TRIM60: variants seen among roughly 807,000 people sequenced by gnomAD.
TRIM60 encodes the protein tripartite motif-containing protein 60.
For synonymous variants in TRIM60, 189 were observed against 195.2 expected, an observed-to-expected ratio of 0.97 and a Z score of 0.27; for missense variants, 524 against 540.8, an observed-to-expected ratio of 0.97 and a Z score of 0.31.
At chr4:165,033,911 AC>A (rs561333492) in intron 1 of TRIM60, among the ~76,000 whole-genome samples, 270 of 152,260 alleles carry the variant, frequency 1.8e-3, no homozygotes, top group African/African-American at 6.0e-3. Context: ...TCAGGCCCCA[AC>A]TCTCCCATAG....
In TRIM60 at chr4:165,040,447, C is replaced by T. The variant is rs1223959517; in HGVS notation, c.375C>T (p.His125=). 8 of 1,614,188 alleles carry T rather than the reference C, an allele frequency of 5.0e-6. No individual in the cohort carries two copies. The highest frequency in any genetic ancestry group is 1.3e-5 in the African/African-American group (1 of 75,050). Residue 125 remains histidine (H), a synonymous_variant, in exon 3 of 3, where the codon CAC becomes CAT. Coordinates refer to ENST00000512596, the MANE Select transcript of TRIM60 (RefSeq NM_152620.3). ...LCTQCSFSTK[H]QKHYICPIKK... ...CACAGTGCAGTTTCTCCACTAAACACCAGAAGCACTACATTTGCCCTATTA... is the reference window on the plus strand; with the variant it reads ...CACAGTGCAGTTTCTCCACTAAACATCAGAAGCACTACATTTGCCCTATTA...
chr4:165,034,404 G>A (rs1733572961), intron 1 of TRIM60, among the ~76,000 whole-genome samples: 1 of 152,026 alleles, frequency 6.6e-6, no homozygotes, highest in African/African-American at 2.4e-5. Context: ...CACCCACCTC[G>A]GCCTCCCAAA....
In TRIM60 at chr4:165,041,312, A is replaced by G. The variant is rs1344759553; in HGVS notation, c.1240A>G (p.Lys414Glu). 1 of 1,614,100 alleles carries G rather than the reference A, an allele frequency of 6.2e-7. No individual in the cohort carries two copies. The part of the protein sequence containing the change: ...TQLLPVVKPS[K>E]IGIFLDYELG... Reference sequence around the variant, plus strand: ...GCTTCTGCCAGTAGTAAAACCCAGTAAAATTGGTATTTTTCTGGACTATGA... The same window carrying G: ...GCTTCTGCCAGTAGTAAAACCCAGTGAAATTGGTATTTTTCTGGACTATGA... Residue 414 changes from lysine (K) to glutamate (E), a missense_variant, in exon 3 of 3, where the codon AAA (lysine) becomes GAA (glutamate). Coordinates refer to ENST00000512596, the MANE Select transcript of TRIM60 (RefSeq NM_152620.3).
intron 1 of TRIM60, among the ~76,000 whole-genome samples, chr4:165,033,727 A>G (rs1733557785): frequency 6.6e-6 from 1 of 152,214 alleles, no homozygotes; most frequent in African/African-American, 2.4e-5. Flanking sequence ...GCATGAACAG[A>G]ACTCAACTGT....
Position 165,040,952 on chromosome 4 carries a change from C to G in TRIM60, c.880C>G (p.Gln294Glu). ...CTTGGACAGAATTATCAAGCCATTT[C>G]AAGTAGATGTGATTCTAGATCTCAA... ...SGLDRIIKPF[Q>E]VDVILDLNTA... is the part of the protein sequence containing the mutation. The change falls in exon 3 of 3, where the codon CAA becomes GAA. Residue 294 changes from glutamine (Q) to glutamate (E), a missense_variant. Coordinates refer to ENST00000512596, the MANE Select transcript of TRIM60 (RefSeq NM_152620.3). 6.2e-7 allele frequency: 1 copy of G among 1,613,958 alleles called. No individual in the cohort carries two copies.
rs149718534 is a variant in TRIM60 at position 165,040,145 on chromosome 4, G to C, written c.73G>C (p.Asp25His). ...TCCCATCTGTCTGGAGTACTTGAAA[G>C]ACCCAGTGACCATCAACTGTGGGCA... ...SCPICLEYLKDPVTINCGHNF... is the reference protein window; with the variant it reads ...SCPICLEYLKHPVTINCGHNF... The change falls in exon 3 of 3, where the codon GAC becomes CAC. Residue 25 changes from aspartate (D) to histidine (H), a missense_variant. Transcript: ENST00000512596. 20 of 1,613,940 alleles carry C rather than the reference G, an allele frequency of 1.2e-5. No homozygotes were observed. The highest frequency in any genetic ancestry group is 1.5e-5 in the Non-Finnish European group (18 of 1,180,040).
chr4:165,032,173 G>A (rs1227445182), intron 1 of TRIM60, 61 bp downstream of exon 1: 1 of 152,328 alleles, frequency 6.6e-6, no homozygotes, highest in Non-Finnish European at 1.5e-5. Context: ...TACTTAACTG[G>A]GCAGGGGCTT....
intron 1 of TRIM60, among the ~76,000 whole-genome samples, chr4:165,035,488 A>G (rs1466426222): frequency 3.3e-5 from 5 of 152,232 alleles, no homozygotes; most frequent in Admixed American, 1.3e-4. Context: ...GTGATGTCAC[A>G]CAGGACCTGC....
chr4:165,040,420 T>C lies in TRIM60; in HGVS notation c.348T>C (p.Cys116=). 1 of 1,614,174 alleles carries C rather than the reference T, an allele frequency of 6.2e-7. No homozygotes were observed. Among genetic ancestry groups the C allele is most frequent in the Non-Finnish European group, 8.5e-7 (1 of 1,180,016 alleles). Residue 116 remains cysteine, a synonymous_variant, in exon 3 of 3, where the codon TGT becomes TGC. Transcript: ENST00000512596. ...GTGTTAAAGATCTAGAGATCTTATG[T>C]ACACAGTGCAGTTTCTCCACTAAAC... The part of the protein sequence containing the change: ...LFCVKDLEIL[C]TQCSFSTKHQ...
chr4:165,041,118 G>C lies in TRIM60; in HGVS notation c.1046G>C (p.Arg349Pro). 6.2e-7 allele frequency: 1 copy of C among 1,614,178 alleles called. No individual in the cohort carries two copies. The highest frequency in any genetic ancestry group is 8.5e-7 in the Non-Finnish European group (1 of 1,180,044). Residue 349 changes from arginine to proline, a missense_variant, in exon 3 of 3, where the codon CGA becomes CCA. Transcript: ENST00000512596. ...GGCTCTCAGAGATTTAGTTCTGGCC[G>C]ACATTACTGGGAAGTAGAAGTGGGA... ...VLGSQRFSSG[R>P]HYWEVEVGNK...
rs964325584 is a variant in TRIM60, at chr4:165,041,246, A to G, written c.1174A>G (p.Met392Val). 5 of 1,614,108 alleles carry G rather than the reference A, an allele frequency of 3.1e-6. No homozygotes were observed. The highest frequency in any genetic ancestry group is 2.5e-6 in the Non-Finnish European group (3 of 1,180,044). ...LGGFWAIGRY[M>V]KSGYVASGPK... The stretch of plus-strand genomic sequence containing the variant: ...CGGATTCTGGGCAATTGGGCGATAC[A>G]TGAAGAGTGGTTATGTTGCGTCAGG... The change falls in exon 3 of 3, where the codon ATG (methionine) becomes GTG (valine). Residue 392 changes from methionine (M) to valine (V), a missense_variant. Physicochemically the swap from Met to Val is conservative, Grantham distance 21. Transcript: ENST00000512596.
At chr4:165,035,305 T>TC (rs1474415143) in intron 1 of TRIM60, among the ~76,000 whole-genome samples, 25 of 151,966 alleles carry the variant, frequency 1.6e-4, no homozygotes, top group African/African-American at 6.0e-4. Flanking sequence ...CCTCAATTGA[T>TC]CTCTTGCCTC....
At chr4:165,034,072 G>C (rs1733564820) in intron 1 of TRIM60, among the ~76,000 whole-genome samples, 1 of 152,144 alleles carries the variant, frequency 6.6e-6, no homozygotes, top group Admixed American at 6.5e-5. Flanking sequence ...GGGGAAGCTG[G>C]AGTGTGTGGG....
At chr4:165,038,659 A>G (rs1030965568) in intron 1 of TRIM60, among the ~76,000 whole-genome samples, 1 of 149,430 alleles carries the variant, frequency 6.7e-6, no homozygotes, top group Non-Finnish European at 1.5e-5. Flanking sequence ...AAAAAAAAAA[A>G]GCCTGCTTTT....
chr4:165,038,801 C>T (rs567667334), intron 1 of TRIM60, among the ~76,000 whole-genome samples: 6 of 151,320 alleles, frequency 4.0e-5, no homozygotes, highest in East Asian at 3.9e-4. Context: ...AGGCCAGGTG[C>T]GGTGGCTCAC....
At chr4:165,033,925 G>GGAA (rs1733562218) in intron 1 of TRIM60, among the ~76,000 whole-genome samples, 1 of 152,180 alleles carries the variant, frequency 6.6e-6, no homozygotes, top group African/African-American at 2.4e-5. Context: ...TCCCATAGAT[G>GGAA]CTGGGAGACA....
At chr4:165,037,121 A>G (rs1733638783) in intron 1 of TRIM60, among the ~76,000 whole-genome samples, 1 of 151,430 alleles carries the variant, frequency 6.6e-6, no homozygotes. Flanking sequence ...GAATCGCTTG[A>G]ACCCAGGAGG....
At chr4:165,037,384 C>T (rs1027670581) in intron 1 of TRIM60, among the ~76,000 whole-genome samples, 3 of 151,436 alleles carry the variant, frequency 2.0e-5, no homozygotes, top group African/African-American at 7.3e-5. Context: ...AGTGCAGTGG[C>T]GGGATCTTGG....
At chr4:165,038,774 A>T (rs905295565) in intron 1 of TRIM60, among the ~76,000 whole-genome samples, 4 of 151,352 alleles carry the variant, frequency 2.6e-5, no homozygotes, top group African/African-American at 9.7e-5. Flanking sequence ...ACATTTTTAT[A>T]TATAGTTTTA....
Sources: gnomAD v4.1 joint callset for allele counts (sites outside exome capture counted in the v4.1 genomes callset) on GRCh38, gnomAD v4.1.1 for gene constraint, MANE v1.5 for transcripts, NCBI Gene and HGNC (gene_info 2026-07-23, HGNC 2026-07-21) for gene names.